The following MDGA2 variants were observed in gnomAD, a reference collection of about 807,000 sequenced individuals.
The protein encoded by MDGA2 is MAM domain containing glycosylphosphatidylinositol anchor 2, also known as MAM domain-containing glycosylphosphatidylinositol anchor protein 2.
Under a neutral mutation model 117.8 loss-of-function variants are expected in MDGA2, and 40 were observed. The observed-to-expected ratio is 0.34, with a 90% CI of 0.26 to 0.44. The LOEUF (loss-of-function observed/expected upper bound fraction) is 0.44. MDGA2 is among the 20% of genes least tolerant of loss of function. The pLI is 1.00. For synonymous variants in MDGA2, 452 were observed against 439.0 expected, an observed-to-expected ratio of 1.03 and a Z score of -0.37; for missense variants, 1,123 against 1,250.6, an observed-to-expected ratio of 0.90 and a Z score of 1.54.
In MDGA2 at chr14:47,370,351, G is replaced by A. The variant is rs545239842; in HGVS notation, c.281-68801C>T. Among the ~76,000 whole-genome samples, 23 of 149,966 alleles carry A rather than the reference G, an allele frequency of 1.5e-4. No individual in the cohort carries two copies. The South Asian group carries it at 2.1e-3, about 14-fold the overall frequency. On this transcript the variant is annotated intron_variant, in intron 1 of 16. Coordinates refer to ENST00000399232, the MANE Select transcript of MDGA2 (RefSeq NM_001113498.3). ...GATTAAGAGAAAGAGAGGACTAAATGTTTGTGAATGGAGGGAGAGATTTAA... is the reference window on the plus strand; with the variant it reads ...GATTAAGAGAAAGAGAGGACTAAATATTTGTGAATGGAGGGAGAGATTTAA...
At chr14:47,667,798 A>G (rs1410713254) in intron 1 of MDGA2, among the ~76,000 whole-genome samples, 2 of 152,122 alleles carry the variant, frequency 1.3e-5, no homozygotes, top group African/African-American at 2.4e-5. Flanking sequence ...TATTTCCACC[A>G]TTCACATTAC....
At chr14:47,232,643 C>T (rs553463057) in intron 2 of MDGA2, among the ~76,000 whole-genome samples, 20 of 152,198 alleles carry the variant, frequency 1.3e-4, no homozygotes, top group Middle Eastern at 3.4e-3. Context: ...CTACAGCCCC[C>T]ACTCTCCAAA....
intron 2 of MDGA2, among the ~76,000 whole-genome samples, chr14:47,228,638 T>C (rs971564138): frequency 6.6e-6 from 1 of 152,008 alleles, no homozygotes; most frequent in African/African-American, 2.4e-5. Flanking sequence ...TTACAATGGG[T>C]TTATTGGAAT....
chr14:47,493,800 G>A (rs1302499937), intron 1 of MDGA2, among the ~76,000 whole-genome samples: 1 of 151,832 alleles, frequency 6.6e-6, no homozygotes, highest in African/African-American at 2.4e-5. Flanking sequence ...TGCAATTTTT[G>A]ATTTATAATT....
intron 8 of MDGA2, among the ~76,000 whole-genome samples, chr14:46,999,762 A>C (rs529394976): frequency 6.6e-6 from 1 of 152,094 alleles, no homozygotes; most frequent in Non-Finnish European, 1.5e-5. Context: ...CTTTGTGGGT[A>C]TCAAACTTCA....
At chr14:47,485,961 G>A (rs999293651) in intron 1 of MDGA2, among the ~76,000 whole-genome samples, 5 of 152,214 alleles carry the variant, frequency 3.3e-5, no homozygotes, top group African/African-American at 1.2e-4. Context: ...CAGTGTGGAA[G>A]GGAAATGTAA....
chr14:46,977,034 G>T (rs1204997667), intron 8 of MDGA2, among the ~76,000 whole-genome samples: 1 of 151,818 alleles, frequency 6.6e-6, no homozygotes, highest in African/African-American at 2.4e-5. Flanking sequence ...TGTTACTAAT[G>T]ACATGGAGAC....
intron 1 of MDGA2, among the ~76,000 whole-genome samples, chr14:47,673,707 A>C (rs1446701469): frequency 4.0e-5 from 6 of 151,234 alleles, no homozygotes; most frequent in Non-Finnish European, 8.8e-5. Context: ...AACTGCTGAC[A>C]GGCAAAAAAA....
Position 47,096,922 on chromosome 14 carries a change from G to A in MDGA2, c.1127C>T (p.Thr376Ile), listed in dbSNP as rs771209959. ...IPAITSDDAG[T>I]YSCIANNNVG... ...ATTATTATTGGCAATGCAGCTGTAA[G>A]TACCAGCATCATCTGAGGTGATGGC... Residue 376 changes from threonine (T) to isoleucine (I), a missense_variant, in exon 6 of 17, where the codon ACT becomes ATT. This residue lies in a region of MDGA2 where 890 missense variants were observed against 1,050.3 expected (regional missense o/e 0.85). Coordinates refer to ENST00000399232, the MANE Select transcript of MDGA2 (RefSeq NM_001113498.3). The A allele has an allele frequency of 3.7e-6, 6 of 1,613,186 alleles. No homozygotes were observed. The African/African-American group carries it at 6.7e-5, about 18-fold the overall frequency.
intron 6 of MDGA2, among the ~76,000 whole-genome samples, chr14:47,078,960 T>A (rs1209080471): frequency 6.6e-6 from 1 of 151,660 alleles, no homozygotes; most frequent in African/African-American, 2.4e-5. Flanking sequence ...ATGCCCCCAG[T>A]CTCTCGTAAC....
chr14:47,186,529 A>G (rs913930517), intron 3 of MDGA2, among the ~76,000 whole-genome samples: 7 of 151,868 alleles, frequency 4.6e-5, no homozygotes, highest in Admixed American at 1.3e-4. Context: ...TTATTTTTCT[A>G]CATGCTTTGT....
intron 2 of MDGA2, among the ~76,000 whole-genome samples, chr14:47,251,251 T>A (rs923594738): frequency 6.6e-6 from 1 of 152,160 alleles, no homozygotes; most frequent in Non-Finnish European, 1.5e-5. Flanking sequence ...AAAATTTCCC[T>A]TTTATCTCCT....
chr14:47,241,994 G>A (rs1887057755), intron 2 of MDGA2, among the ~76,000 whole-genome samples: 1 of 151,742 alleles, frequency 6.6e-6, no homozygotes, highest in Non-Finnish European at 1.5e-5. Flanking sequence ...AAGAAAAAAT[G>A]AGATGGTGCA....
chr14:47,113,755 C>T (rs1331240577), intron 5 of MDGA2, among the ~76,000 whole-genome samples: 1 of 152,002 alleles, frequency 6.6e-6, no homozygotes, highest in Admixed American at 6.6e-5. Flanking sequence ...TGGAACACAC[C>T]TCAAAATAAT....
intron 5 of MDGA2, among the ~76,000 whole-genome samples, chr14:47,102,512 GT>G (rs1254766439): frequency 6.6e-6 from 1 of 152,050 alleles, no homozygotes; most frequent in Non-Finnish European, 1.5e-5. Flanking sequence ...TGGCACAGCA[GT>G]TGATTTGGGC....
intron 2 of MDGA2, among the ~76,000 whole-genome samples, chr14:47,232,010 C>A (rs2139573669): frequency 6.6e-6 from 1 of 152,076 alleles, no homozygotes; most frequent in African/African-American, 2.4e-5. Flanking sequence ...CCCATATGAC[C>A]ACAGGATACA....
chr14:46,892,576 A>G (rs889269773), intron 10 of MDGA2, among the ~76,000 whole-genome samples: 3 of 151,970 alleles, frequency 2.0e-5, no homozygotes, highest in African/African-American at 7.2e-5. Flanking sequence ...ATAGCAATGA[A>G]CTGTAAAAAT....
intron 1 of MDGA2, among the ~76,000 whole-genome samples, chr14:47,440,661 A>C (rs1892989437): frequency 8.0e-6 from 1 of 124,966 alleles, no homozygotes; most frequent in African/African-American, 3.1e-5. Context: ...CTAACTCAGC[A>C]TGATTCTACA....
chr14:46,873,374 A>G, intron 14 of MDGA2, 59 bp downstream of exon 14: 1 of 1,452,222 alleles, frequency 6.9e-7, no homozygotes. Context: ...GTGTTTATGA[A>G]CCTTTTTCTT....
Sources: gnomAD v4.1 joint callset for allele counts (sites outside exome capture counted in the v4.1 genomes callset) on GRCh38, gnomAD v4.1.1 for gene constraint, gnomAD v4.1.1 regional missense constraint, MANE v1.5 for transcripts, NCBI Gene and HGNC (gene_info 2026-07-23, HGNC 2026-07-21) for gene names.